Variants in AFF3 observed in about 807,000 individuals in gnomAD.
The protein encoded by AFF3 is ALF transcription elongation factor 3, also known as AF4/FMR2 family member 3.
In AFF3, 32 loss-of-function variants were observed where a neutral mutation model predicts 129.7. The ratio of observed to expected loss-of-function variants is 0.25; its 90% CI spans 0.19 to 0.33. The LOEUF (loss-of-function observed/expected upper bound fraction) is 0.33, where lower values mean the gene tolerates loss of function less well. AFF3 is among the 10% of genes least tolerant of loss of function. The pLI, the probability that AFF3 is intolerant of heterozygous loss-of-function variation, is 1.00. For synonymous variants in AFF3, 644 were observed against 635.4 expected (o/e 1.01, Z -0.20); for missense variants, 1,373 against 1,592.0 (o/e 0.86, Z 2.34).
intron 13 of AFF3, among the ~76,000 whole-genome samples, chr2:99,609,630 G>C (rs747801181): frequency 2.0e-4 from 30 of 152,092 alleles, no homozygotes; most frequent in Non-Finnish European, 3.7e-4. Context: ...TCCACTTGTT[G>C]ATTGATGGAT....
intron 14 of AFF3, among the ~76,000 whole-genome samples, chr2:99,595,267 G>A (rs933840140): frequency 6.6e-6 from 1 of 152,196 alleles, no homozygotes; most frequent in Non-Finnish European, 1.5e-5. Flanking sequence ...ATAATTAAGA[G>A]AAAACAGGTG....
intron 10 of AFF3, among the ~76,000 whole-genome samples, chr2:99,731,836 G>A (rs548576355): frequency 1.1e-4 from 17 of 152,286 alleles, no homozygotes; most frequent in South Asian, 8.3e-4. Flanking sequence ...GTTCTACCAC[G>A]TCACAGGTTT....
intron 12 of AFF3, among the ~76,000 whole-genome samples, chr2:99,655,089 T>G (rs954128281): frequency 6.6e-6 from 1 of 152,098 alleles, no homozygotes; most frequent in African/African-American, 2.4e-5. Context: ...CTGGAGAGGT[T>G]TGTAATTCAG....
At chr2:99,744,277 A>G (rs1680956831) in intron 9 of AFF3, 137 bp from the exon 10 acceptor site, 1 of 660,282 alleles carries the variant, frequency 1.5e-6, no homozygotes, top group Admixed American at 3.0e-5. Context: ...TTAATGAGAA[A>G]CATATACATG....
At chr2:99,909,787 A>G (rs541698467) in intron 7 of AFF3, among the ~76,000 whole-genome samples, 1 of 152,302 alleles carries the variant, frequency 6.6e-6, no homozygotes, top group Non-Finnish European at 1.5e-5. Context: ...ATTATGCCCA[A>G]TATTTTAACA....
chr2:99,679,281 A>G (rs957321559), intron 11 of AFF3, among the ~76,000 whole-genome samples: 1 of 152,122 alleles, frequency 6.6e-6, no homozygotes. Context: ...GAAATCATCC[A>G]TGATCCTGTA....
intron 2 of AFF3, among the ~76,000 whole-genome samples, chr2:100,114,784 G>C (rs1338667342): frequency 6.6e-6 from 1 of 152,210 alleles, no homozygotes; most frequent in Non-Finnish European, 1.5e-5. Flanking sequence ...GCAACACATT[G>C]AGAGCTCAGC....
intron 8 of AFF3, among the ~76,000 whole-genome samples, chr2:99,800,733 G>A (rs750729887): frequency 2.0e-5 from 3 of 152,096 alleles, no homozygotes; most frequent in South Asian, 2.1e-4. Flanking sequence ...AATGGAATAC[G>A]GCTCAGCAAT....
chr2:99,890,138 T>C (rs1693439987), intron 7 of AFF3, among the ~76,000 whole-genome samples: 1 of 152,328 alleles, frequency 6.6e-6, no homozygotes, highest in East Asian at 1.9e-4. Context: ...TTGGTACATG[T>C]ACCAGCATAC....
At chr2:99,716,124 T>C (rs533638233) in intron 11 of AFF3, among the ~76,000 whole-genome samples, 7 of 152,324 alleles carry the variant, frequency 4.6e-5, no homozygotes, top group African/African-American at 1.7e-4. Flanking sequence ...TAAATGTGGA[T>C]TGAGCAAGCA....
chr2:99,678,202 T>C (rs1227290837), intron 11 of AFF3, among the ~76,000 whole-genome samples: 1 of 152,264 alleles, frequency 6.6e-6, no homozygotes, highest in Admixed American at 6.5e-5. Context: ...GTAAACTCAG[T>C]ACTTTTCAGA....
At chr2:99,676,069 C>A (rs1038231729) in intron 11 of AFF3, among the ~76,000 whole-genome samples, 1 of 151,512 alleles carries the variant, frequency 6.6e-6, no homozygotes, top group Non-Finnish European at 1.5e-5. Flanking sequence ...GAAGGACTAG[C>A]CATCTGCATG....
intron 4 of AFF3, among the ~76,000 whole-genome samples, chr2:100,010,423 G>A (rs1487592581): frequency 2.0e-5 from 3 of 152,158 alleles, no homozygotes; most frequent in Admixed American, 6.5e-5. Context: ...GGGGTGATGC[G>A]ATACTAAACA....
intron 8 of AFF3, among the ~76,000 whole-genome samples, chr2:99,812,063 T>G (rs1263724168): frequency 6.6e-6 from 1 of 152,200 alleles, no homozygotes; most frequent in African/African-American, 2.4e-5. Context: ...TCTCACAGTT[T>G]GTCCTGATGT....
rs1185958566 is a variant in AFF3, at chr2:99,549,008, T to C, written c.*2466A>G. 4.4e-6 allele frequency: 1 copy of C among 229,618 alleles called. No homozygotes were observed. The highest frequency in any genetic ancestry group is 8.6e-6 in the Non-Finnish European group (1 of 115,874). The allele number at this position is 229,618 out of a possible 1,614,324, so 14.2% of individuals were successfully genotyped here. Reference sequence around the variant, plus strand: ...TGGGAAATGTGGGCCATCAGAGTGCTGATAAAACACTGCTGGCCCACCTGT... The same window carrying C: ...TGGGAAATGTGGGCCATCAGAGTGCCGATAAAACACTGCTGGCCCACCTGT... On this transcript the variant is annotated 3_prime_UTR_variant, in exon 25 of 25. Transcript: ENST00000672756.
chr2:99,850,789 A>G (rs1405279680), intron 7 of AFF3, among the ~76,000 whole-genome samples: 1 of 152,220 alleles, frequency 6.6e-6, no homozygotes, highest in Non-Finnish European at 1.5e-5. Flanking sequence ...CCATACAGAG[A>G]ATACAAAGAT....
At chr2:99,629,998 G>A (rs1682978029) in intron 13 of AFF3, among the ~76,000 whole-genome samples, 1 of 152,214 alleles carries the variant, frequency 6.6e-6, no homozygotes, top group Non-Finnish European at 1.5e-5. Context: ...AGATAGATAA[G>A]CTAGTGACAA....
In AFF3 at chr2:99,796,212, C is replaced by G. The variant is rs183037690; in HGVS notation, c.921+41265G>C. Among the ~76,000 whole-genome samples the G allele has an allele frequency of 2.5e-4, 38 of 152,250 alleles. 1 individual carries two copies. The highest frequency in any genetic ancestry group is 1.7e-3 in the South Asian group (8 of 4,822). On this transcript the variant is annotated intron_variant, in intron 8 of 24. Transcript: ENST00000672756. Reference sequence around the variant, plus strand: ...ACAAACCTTCCAAAGTCTGGTGAGGCTCAAGTTGGCAAACCACCTGCAATC... The same window carrying G: ...ACAAACCTTCCAAAGTCTGGTGAGGGTCAAGTTGGCAAACCACCTGCAATC...
intron 13 of AFF3, among the ~76,000 whole-genome samples, chr2:99,608,458 T>C (rs796325724): frequency 5.9e-5 from 9 of 152,342 alleles, no homozygotes; most frequent in African/African-American, 2.2e-4. Context: ...CCCTTGGGAA[T>C]ATGCAGGAGT....
Sources: allele counts gnomAD v4.1 joint callset (sites outside exome capture counted in the v4.1 genomes callset), GRCh38; gene constraint gnomAD v4.1.1; transcripts MANE v1.5; gene names NCBI Gene and HGNC (gene_info 2026-07-23, HGNC 2026-07-21).